Variants in VEGFC observed in about 807,000 individuals in gnomAD.
VEGFC encodes vascular endothelial growth factor C.
A neutral mutation model predicts 46.1 loss-of-function variants in VEGFC; 12 were observed. That is an observed-to-expected ratio of 0.26 (90% confidence interval 0.17 to 0.42). The LOEUF (loss-of-function observed/expected upper bound fraction) is 0.42. Among genes scored for constraint, VEGFC ranks in the 10% least tolerant of loss-of-function variants. The probability of loss-of-function intolerance (pLI) is 1.00; values close to 1 mark genes in which losing one functional copy is unlikely to be tolerated. For synonymous variants in VEGFC, 232 were observed against 195.5 expected (o/e 1.19, Z -1.56); for missense variants, 488 against 529.4 (o/e 0.92, Z 0.77).
chr4:176,692,072 G>A (rs1026646937), intron 4 of VEGFC, among the ~76,000 whole-genome samples: 6 of 152,080 alleles, frequency 3.9e-5, no homozygotes, highest in East Asian at 3.9e-4. Flanking sequence ...ACTCCCACCC[G>A]AATACTGCGC....
intron 1 of VEGFC, among the ~76,000 whole-genome samples, chr4:176,787,819 A>G (rs1263267517): frequency 3.3e-5 from 5 of 152,240 alleles, no homozygotes; most frequent in African/African-American, 2.4e-5. Context: ...TAATTACACT[A>G]TAACTCAAAC....
intron 4 of VEGFC, among the ~76,000 whole-genome samples, chr4:176,708,522 G>T (rs1025157734): frequency 2.6e-5 from 4 of 152,010 alleles, no homozygotes; most frequent in Admixed American, 2.6e-4. Flanking sequence ...TTTATAAAAG[G>T]ATCCTTGGGG....
At chr4:176,743,875 T>C (rs946606573) in intron 1 of VEGFC, among the ~76,000 whole-genome samples, 1 of 151,992 alleles carries the variant, frequency 6.6e-6, no homozygotes, top group Non-Finnish European at 1.5e-5. Context: ...ATTGTTTCTG[T>C]CCTATGACCC....
At chr4:176,692,577 A>C (rs879652010) in intron 4 of VEGFC, among the ~76,000 whole-genome samples, 6,056 of 132,608 alleles carry the variant, frequency 0.046, 582 homozygotes, top group Non-Finnish European at 0.061. Flanking sequence ...CCCAGGCTTG[A>C]TTAGGTAAAC....
At chr4:176,759,569 AAATAAT>A (rs1375922593) in intron 1 of VEGFC, among the ~76,000 whole-genome samples, 1 of 152,116 alleles carries the variant, frequency 6.6e-6, no homozygotes, top group East Asian at 1.9e-4. Flanking sequence ...TGACTATGGT[AAATAAT>A]AATAGAGTAG....
At chr4:176,735,220 A>G (rs1735034003) in intron 1 of VEGFC, among the ~76,000 whole-genome samples, 1 of 151,928 alleles carries the variant, frequency 6.6e-6, no homozygotes, top group Non-Finnish European at 1.5e-5. Context: ...TCTTTCAGGT[A>G]TAAATGGAAA....
At position 176,684,020 on chromosome 4, in the gene VEGFC, G is replaced by A. The variant is rs374206923; in HGVS notation, c.1166C>T (p.Thr389Met). 3.3e-5 allele frequency: 54 copies of A among 1,613,948 alleles called. 1 individual carries two copies. Among genetic ancestry groups the A allele is most frequent in the Admixed American group, 1.0e-4 (6 of 59,996 alleles). ...TGGCTCACAAGCCTTCTGGCGGTTCGTACATGGCCGTCTGTAACAGCTAGG... is the reference window on the plus strand; with the variant it reads ...TGGCTCACAAGCCTTCTGGCGGTTCATACATGGCCGTCTGTAACAGCTAGG... ...QTCSCYRRPC[T>M]NRQKACEPGF... The change falls in exon 7 of 7, where the codon ACG becomes ATG. Residue 389 changes from threonine to methionine, a missense_variant. By Grantham distance (81) the Thr-to-Met change is moderately conservative. Coordinates refer to ENST00000618562, the MANE Select transcript of VEGFC (RefSeq NM_005429.5).
chr4:176,702,328 A>AT (rs11299157), intron 4 of VEGFC, among the ~76,000 whole-genome samples: 2 of 151,846 alleles, frequency 1.3e-5, no homozygotes, highest in Admixed American at 1.3e-4. Flanking sequence ...AGATTTATCC[A>AT]TTTTTTTTCC....
At chr4:176,769,488 T>C (rs575509460) in intron 1 of VEGFC, among the ~76,000 whole-genome samples, 14 of 152,284 alleles carry the variant, frequency 9.2e-5, no homozygotes, top group Admixed American at 9.2e-4. Context: ...CTTGGAGCTA[T>C]TTGTTATTTA....
intron 1 of VEGFC, among the ~76,000 whole-genome samples, chr4:176,784,769 A>G (rs1735973913): frequency 6.8e-6 from 1 of 147,348 alleles, no homozygotes; most frequent in African/African-American, 2.4e-5. Flanking sequence ...AAAAAAAAAA[A>G]AAAAAAAAAA....
chr4:176,788,841 AC>A (rs1180826864), intron 1 of VEGFC, among the ~76,000 whole-genome samples: 14 of 152,194 alleles, frequency 9.2e-5, no homozygotes, highest in African/African-American at 3.4e-4. Flanking sequence ...AAGGAAAAAA[AC>A]ATCTATTCTT....
chr4:176,683,895 G>T lies in VEGFC; in HGVS notation c.*31C>A. On this transcript the variant is annotated 3_prime_UTR_variant, in exon 7 of 7. Transcript: ENST00000618562. Reference sequence around the variant, plus strand: ...TGTGGCAACACAGTTTTCCATAATAGAAAATCGATGAACTGGAAAACAGTA... The same window carrying T: ...TGTGGCAACACAGTTTTCCATAATATAAAATCGATGAACTGGAAAACAGTA... 6.4e-7 allele frequency: 1 copy of T among 1,570,980 alleles called. No homozygotes were observed. The highest frequency in any genetic ancestry group is 8.8e-7 in the Non-Finnish European group (1 of 1,140,888).
intron 4 of VEGFC, among the ~76,000 whole-genome samples, chr4:176,706,625 CAAAAAAAAAAAAA>C (rs55996370): frequency 6.3e-5 from 4 of 63,448 alleles, no homozygotes; most frequent in African/African-American, 2.4e-4. Context: ...GAATCTGTCT[CAAAAAAAAAAAAA>C]AAAAAAAAAA....
chr4:176,747,748 T>C (rs1442227914), intron 1 of VEGFC, among the ~76,000 whole-genome samples: 1 of 152,044 alleles, frequency 6.6e-6, no homozygotes, highest in Non-Finnish European at 1.5e-5. Context: ...GCTACAATTG[T>C]GCCACTGCAC....
chr4:176,766,843 C>A (rs1332673650), intron 1 of VEGFC, among the ~76,000 whole-genome samples: 1 of 151,598 alleles, frequency 6.6e-6, no homozygotes, highest in African/African-American at 2.4e-5. Flanking sequence ...CCAGGTTGAT[C>A]GTAAATATAA....
intron 6 of VEGFC, 132 bp from the exon 7 acceptor site, chr4:176,684,172 A>C: frequency 1.4e-6 from 1 of 697,768 alleles, no homozygotes; most frequent in Non-Finnish European, 2.4e-6. Context: ...AATTGTTCAT[A>C]GGTTTAAAAA....
At chr4:176,740,194 C>CTATA (rs1246288386) in intron 1 of VEGFC, among the ~76,000 whole-genome samples, 4 of 113,692 alleles carry the variant, frequency 3.5e-5, no homozygotes, top group Non-Finnish European at 6.8e-5. Flanking sequence ...ACTATATATT[C>CTATA]TATATATAGA....
At position 176,776,082 on chromosome 4, in the gene VEGFC, A is replaced by G. The variant is rs555421202; in HGVS notation, c.147+16083T>C. On this transcript the variant is annotated intron_variant, in intron 1 of 6. Coordinates refer to ENST00000618562, the MANE Select transcript of VEGFC (RefSeq NM_005429.5). ...CAAATTATCTTAACCCTAAGGGTCA[A>G]TAAATTAAGATCATGATAGTACAAC... Among the ~76,000 whole-genome samples, 13 of 152,356 alleles carry G rather than the reference A, an allele frequency of 8.5e-5. No homozygotes were observed. The South Asian group carries it at 2.1e-3, about 24-fold the overall frequency.
intron 1 of VEGFC, among the ~76,000 whole-genome samples, chr4:176,757,380 A>G (rs1297788630): frequency 3.3e-5 from 5 of 152,204 alleles, no homozygotes; most frequent in African/African-American, 1.2e-4. Context: ...TATAATATCA[A>G]TATGAGAACA....
Sources: gnomAD v4.1 joint callset for allele counts (sites outside exome capture counted in the v4.1 genomes callset) on GRCh38, gnomAD v4.1.1 for gene constraint, MANE v1.5 for transcripts, NCBI Gene and HGNC (gene_info 2026-07-23, HGNC 2026-07-21) for gene names.